AKR1C2: variants seen among roughly 807,000 people sequenced by gnomAD.
The protein encoded by AKR1C2 is 3-alpha-HSD3.
In AKR1C2, 27 loss-of-function variants were observed where a neutral mutation model predicts 39.8. The observed-to-expected ratio is 0.68, with a 90% CI of 0.50 to 0.93. AKR1C2 has a LOEUF of 0.93. Ranked by LOEUF, AKR1C2 falls within the 40% of genes least tolerant of loss-of-function variation. AKR1C2 has a pLI of 0.00. For synonymous variants in AKR1C2, 114 were observed against 137.9 expected (o/e 0.83, Z 1.22); for missense variants, 263 against 365.1 (o/e 0.72, Z 2.28).
chr10:5,012,280 A>G (rs1837539827), intron 1 of AKR1C2, among the ~76,000 whole-genome samples: 1 of 151,922 alleles, frequency 6.6e-6, no homozygotes, highest in Non-Finnish European at 1.5e-5. Context: ...AGTAGGCTCA[A>G]TACTGCTCCC....
At chr10:4,995,927 A>T in intron 5 of AKR1C2, 62 bp from the exon 6 acceptor site, 1 of 1,549,622 alleles carries the variant, frequency 6.5e-7, no homozygotes, top group South Asian at 1.2e-5. Flanking sequence ...TATTAAAATC[A>T]CCAAAGTAAA....
intron 1 of AKR1C2, 72 bp from the exon 2 acceptor site, chr10:5,001,753 G>T (rs1425326389): frequency 1.3e-5 from 21 of 1,596,124 alleles, no homozygotes; most frequent in Non-Finnish European, 1.8e-5. Flanking sequence ...AAGCAGCAAC[G>T]TTCACAAAAA....
At chr10:4,999,465 A>T in intron 3 of AKR1C2, 188 bp from the exon 4 acceptor site, 1 of 1,232,870 alleles carries the variant, frequency 8.1e-7, no homozygotes, top group Non-Finnish European at 1.1e-6. Context: ...GGCTTCCTCT[A>T]ATCTCTTACA....
Position 4,989,930 on chromosome 10 carries a change from A to G in AKR1C2, c.*66T>C. 2 of 1,489,512 alleles carry G rather than the reference A, an allele frequency of 1.3e-6. No homozygotes were observed. The highest frequency in any genetic ancestry group is 1.2e-5 in the South Asian group (1 of 86,310). 92.3% of individuals were successfully genotyped at this position (1,489,512 alleles called of 1,614,324 possible). On this transcript the variant is annotated 3_prime_UTR_variant, in exon 9 of 9. Transcript: ENST00000380753. ...GCGATGTGTCCAGTCACCAGCATAGAGCCATCCTCTGTGTCACCATCCACA... is the reference window on the plus strand; with the variant it reads ...GCGATGTGTCCAGTCACCAGCATAGGGCCATCCTCTGTGTCACCATCCACA...
upstream of AKR1C2, among the ~76,000 whole-genome samples, chr10:5,007,103 A>C (rs1224485377): frequency 6.8e-6 from 1 of 147,640 alleles, no homozygotes; most frequent in Non-Finnish European, 1.5e-5. Flanking sequence ...AAAGTTAGTA[A>C]GACTATGTGA....
rs1836718994 is a variant in AKR1C2 at position 4,988,010 on chromosome 10, T to C, written c.*1986A>G. The stretch of plus-strand genomic sequence containing the variant: ...GCTTTATGAAATTCTGAGTAACTTT[T>C]TTTTTTTAACAATAAGAGTTTTATA... On this transcript the variant is annotated 3_prime_UTR_variant, in exon 9 of 9. Coordinates refer to ENST00000380753, the MANE Select transcript of AKR1C2 (RefSeq NM_001393392.1). 1 of 151,932 alleles carries C rather than the reference T, an allele frequency of 6.6e-6. No individual in the cohort carries two copies. The highest frequency in any genetic ancestry group is 6.6e-5 in the Admixed American group (1 of 15,254). The allele number at this position is 151,932 out of a possible 1,614,324, so 9.4% of individuals were successfully genotyped here.
At chr10:4,996,751 T>C (rs868994282) in intron 5 of AKR1C2, among the ~76,000 whole-genome samples, 6 of 152,054 alleles carry the variant, frequency 3.9e-5, no homozygotes, top group East Asian at 1.9e-4. Context: ...TTACCTTTAC[T>C]CTCACTTAGA....
rs1554773726 is a variant in AKR1C2, at chr10:5,000,542, C to T, written c.369+8G>A. On this transcript the variant is annotated splice_region_variant and intron_variant, in intron 3 of 8. Coordinates refer to ENST00000380753, the MANE Select transcript of AKR1C2 (RefSeq NM_001393392.1). ...AGTGAAATTAATTTGATCACACAAG[C>T]TGCCTACCTTTACAGACACTGGAAA... is the stretch of plus-strand genomic sequence containing the variant. 6.2e-7 allele frequency: 1 copy of T among 1,613,684 alleles called. No individual in the cohort carries two copies. The highest frequency in any genetic ancestry group is 1.1e-5 in the South Asian group (1 of 91,046).
At chr10:5,011,894 T>C (rs1837531062) in intron 1 of AKR1C2, among the ~76,000 whole-genome samples, 1 of 152,192 alleles carries the variant, frequency 6.6e-6, no homozygotes, top group African/African-American at 2.4e-5. Flanking sequence ...ATAGAGCAGT[T>C]ATAAGTACTT....
In AKR1C2 at chr10:5,001,651, T is replaced by G. The variant is rs1837277683; in HGVS notation, c.115A>C (p.Lys39Gln). 6.2e-7 allele frequency: 1 copy of G among 1,613,850 alleles called. No individual in the cohort carries two copies. The highest frequency in any genetic ancestry group is 1.3e-5 in the African/African-American group (1 of 74,928). The change falls in exon 2 of 9, where the codon AAA becomes CAA. Residue 39 changes from lysine (K) to glutamine (Q), a missense_variant. By Grantham distance (53) the Lys-to-Gln change is moderately conservative (BLOSUM62 1). Around this residue, in one of 3 missense-constraint regions of AKR1C2, gnomAD observed 247 missense variants for 267.9 expected, o/e 0.92. Transcript: ENST00000380753. ...TGGAACCCGGCTTCTATTGCCAATT[T>G]GACGGCCTCTAGAGCTTTACTTTTA... Reference protein sequence around the residue: ...VPKSKALEAVKLAIEAGFHHI... With the variant: ...VPKSKALEAVQLAIEAGFHHI...
intron 1 of AKR1C2, among the ~76,000 whole-genome samples, chr10:5,012,067 A>C (rs1837535475): frequency 6.6e-6 from 1 of 152,152 alleles, no homozygotes; most frequent in African/African-American, 2.4e-5. Flanking sequence ...AGGGTAAACT[A>C]AGGGAATAAA....
intron 5 of AKR1C2, among the ~76,000 whole-genome samples, chr10:4,996,370 A>G (rs1837039928): frequency 6.6e-6 from 1 of 151,460 alleles, no homozygotes; most frequent in Non-Finnish European, 1.5e-5. Flanking sequence ...ACATATACAC[A>G]TAAATACTGA....
At chr10:5,000,494 A>G (rs782692524) in intron 3 of AKR1C2, 56 bp downstream of exon 3, 3 of 1,613,686 alleles carry the variant, frequency 1.9e-6, no homozygotes, top group Middle Eastern at 1.6e-4. Flanking sequence ...CTCCATGAAA[A>G]CAATATTTAT....
chr10:5,003,415 A>G (rs1327089091), intron 1 of AKR1C2, among the ~76,000 whole-genome samples: 1 of 151,712 alleles, frequency 6.6e-6, no homozygotes, highest in African/African-American at 2.4e-5. Context: ...TCTGAATTGT[A>G]TCTTCTTGGA....
Position 5,002,946 on chromosome 10 carries a change from A to G in AKR1C2, c.84+806T>C, listed in dbSNP as rs139868004. On this transcript the variant is annotated intron_variant, in intron 1 of 8. Transcript: ENST00000380753. ...GTCCCTTTGTAACTCCTTATGTCTT[A>G]TAGATGAGAAATGTGAGACTCAAAT... is the stretch of plus-strand genomic sequence containing the variant. Among the ~76,000 whole-genome samples, 277 of 152,350 alleles carry G rather than the reference A, an allele frequency of 1.8e-3. 3 individuals carry two copies. Among genetic ancestry groups the G allele is most frequent in the African/African-American group, 6.4e-3 (266 of 41,578 alleles).
Position 5,013,075 on chromosome 10 carries a change from A to G in AKR1C2, c.-88+4825T>C, listed in dbSNP as rs536199367. 2.4e-3 allele frequency among the ~76,000 whole-genome samples: 370 copies of G among 152,322 alleles called. 2 individuals are homozygous for G. Among genetic ancestry groups the G allele is most frequent in the Non-Finnish European group, 4.0e-3 (275 of 68,032 alleles). ...ATTGGGACAAGGGAGAAGATTTTGA[A>G]AAATAACTAATGAGTACTAGGCTTC... On this transcript the variant is annotated intron_variant, in intron 1 of 6. Transcript: ENST00000604507.
upstream of AKR1C2, among the ~76,000 whole-genome samples, chr10:5,006,218 T>C (rs1177388491): frequency 6.6e-6 from 1 of 152,194 alleles, no homozygotes; most frequent in African/African-American, 2.4e-5. Flanking sequence ...ATTTTTCAAA[T>C]TGGTTAAAGA....
chr10:5,015,340 C>T (rs569554906), intron 1 of AKR1C2: 1 of 152,174 alleles, frequency 6.6e-6, no homozygotes. Context: ...CAGGAGATAT[C>T]ATTTCTAACA....
intron 1 of AKR1C2, among the ~76,000 whole-genome samples, chr10:5,017,119 G>C (rs1188654165): frequency 1.3e-5 from 2 of 152,182 alleles, no homozygotes; most frequent in African/African-American, 4.8e-5. Context: ...TACCTTGAAG[G>C]TCTCTGAAAT....
Sources: gnomAD v4.1 joint callset for allele counts (sites outside exome capture counted in the v4.1 genomes callset) on GRCh38, gnomAD v4.1.1 for gene constraint, gnomAD v4.1.1 regional missense constraint, MANE v1.5 for transcripts, NCBI Gene and HGNC (gene_info 2026-07-23, HGNC 2026-07-21) for gene names.